Variants in DERA observed in about 807,000 individuals in gnomAD.
DERA encodes 2-deoxy-D-ribose 5-phosphate aldolase.
Under a neutral mutation model 41.1 loss-of-function variants are expected in DERA, and 15 were observed. That is an observed-to-expected ratio of 0.37 (90% CI 0.24 to 0.56). DERA has a LOEUF of 0.56. Among genes scored for constraint, DERA ranks in the 20% least tolerant of loss-of-function variants. The pLI is 0.81. For missense variants in DERA, 396 were observed against 403.4 expected (o/e 0.98, Z 0.16); for synonymous variants, 139 against 137.4 (o/e 1.01, Z -0.08).
In DERA at chr12:15,996,306, G is replaced by C. The variant is rs1247972586; in HGVS notation, c.637+13870G>C. Among the ~76,000 whole-genome samples the C allele has an allele frequency of 6.6e-6, 1 of 152,056 alleles. No homozygotes were observed. The highest frequency in any genetic ancestry group is 1.9e-4 in the East Asian group (1 of 5,172). ...CGCTGTAACAGAGTACCGCAAATTAGATGGCCTTAAGCAACAGAAATGTGT... is the reference window on the plus strand; with the variant it reads ...CGCTGTAACAGAGTACCGCAAATTACATGGCCTTAAGCAACAGAAATGTGT... On this transcript the variant is annotated intron_variant, in intron 6 of 8. Coordinates refer to ENST00000428559, the MANE Select transcript of DERA (RefSeq NM_015954.4). The surrounding 1 kb of genome is among the most constrained non-coding windows in gnomAD (Gnocchi z 4.7).
chr12:16,016,194 A>T (rs187799346), intron 6 of DERA, among the ~76,000 whole-genome samples: 1 of 152,196 alleles, frequency 6.6e-6, no homozygotes, highest in Admixed American at 6.5e-5. Context: ...CAGTGCTTCA[A>T]CCATAACACT....
At chr12:15,980,567 A>G (rs181297822) in intron 5 of DERA, among the ~76,000 whole-genome samples, 240 of 152,126 alleles carry the variant, frequency 1.6e-3, no homozygotes, top group Middle Eastern at 0.01. Flanking sequence ...GTCTATTACT[A>G]TTTTTAACAT....
rs1413179285 is a variant in DERA, at chr12:16,009,483, A to T, written c.638-23059A>T. 1.3e-5 allele frequency among the ~76,000 whole-genome samples: 2 copies of T among 152,194 alleles called. No homozygotes were observed. The highest frequency in any genetic ancestry group is 1.9e-4 in the East Asian group (1 of 5,204). On this transcript the variant is annotated intron_variant, in intron 6 of 8. Transcript: ENST00000428559. The surrounding 1 kb of genome is among the most constrained non-coding windows in gnomAD (Gnocchi z 5.3). Reference sequence around the variant, plus strand: ...CCCAGAAAACCTCTTCTCAAGAGTAAATTTATGATATTTGTGACAAACAAC... The same window carrying T: ...CCCAGAAAACCTCTTCTCAAGAGTATATTTATGATATTTGTGACAAACAAC...
At chr12:15,923,480 G>A (rs1027240354) in intron 1 of DERA, among the ~76,000 whole-genome samples, 2 of 152,054 alleles carry the variant, frequency 1.3e-5, no homozygotes, top group African/African-American at 2.4e-5. Context: ...TTCCTTCTCT[G>A]GCCAGCATAA....
At chr12:16,033,582 TGTG>T (rs1485192940) in intron 7 of DERA, among the ~76,000 whole-genome samples, 1 of 2,608 alleles carries the variant, frequency 3.8e-4, no homozygotes, top group African/African-American at 7.4e-4. Context: ...AGAGCAAGGT[TGTG>T]TGTGTGTGTG....
At chr12:15,963,699 A>G (rs1231639954) in intron 5 of DERA, among the ~76,000 whole-genome samples, 1 of 152,232 alleles carries the variant, frequency 6.6e-6, no homozygotes, top group East Asian at 1.9e-4. Flanking sequence ...AGTTAAAGCC[A>G]GGATAGTATA....
At position 15,957,169 on chromosome 12, in the gene DERA, A is replaced by T; in HGVS notation, c.129+136A>T. 1.5e-6 allele frequency: 1 copy of T among 674,134 alleles called. No homozygotes were observed. Among genetic ancestry groups the T allele is most frequent in the Non-Finnish European group, 2.6e-6 (1 of 381,756 alleles). The allele number at this position is 674,134 out of a possible 1,614,324, so 41.8% of individuals were successfully genotyped here. The stretch of plus-strand genomic sequence containing the variant: ...CAGCTGTCCATGACTTATTTTAATA[A>T]TTCATATATGATGATGATGGGTTGG... On this transcript the variant is annotated intron_variant, in intron 2 of 8. Transcript: ENST00000428559. The surrounding 1 kb of genome is among the most constrained non-coding windows in gnomAD (Gnocchi z 4.8).
At chr12:15,974,487 T>G (rs1176656816) in intron 5 of DERA, among the ~76,000 whole-genome samples, 2 of 152,202 alleles carry the variant, frequency 1.3e-5, no homozygotes, top group Admixed American at 6.5e-5. Flanking sequence ...TTGCACATTT[T>G]TGGCAGGTAT....
At chr12:15,942,328 C>T (rs1948414683) in intron 1 of DERA, among the ~76,000 whole-genome samples, 1 of 151,972 alleles carries the variant, frequency 6.6e-6, no homozygotes, top group Admixed American at 6.6e-5. Flanking sequence ...GTTAACTTTG[C>T]TAATTTTTTT....
At chr12:15,950,281 A>G (rs10772883) in intron 1 of DERA, among the ~76,000 whole-genome samples, 45,008 of 152,120 alleles carry the variant, frequency 0.3, 7,444 homozygotes, top group African/African-American at 0.42. Context: ...TGCTAAACAA[A>G]GGGTGGATTA....
chr12:15,980,629 G>T (rs1948726440), intron 5 of DERA, among the ~76,000 whole-genome samples: 3 of 152,048 alleles, frequency 2.0e-5, no homozygotes, highest in African/African-American at 4.8e-5. Flanking sequence ...TTTCTCCCAG[G>T]TTAGGTAGAT....
chr12:16,036,389 A>G lies in DERA; in HGVS notation c.900+8A>G. 6.3e-7 allele frequency: 1 copy of G among 1,585,898 alleles called. No homozygotes were observed. The highest frequency in any genetic ancestry group is 8.6e-7 in the Non-Finnish European group (1 of 1,169,452). On this transcript the variant is annotated splice_region_variant and intron_variant, in intron 8 of 8. Transcript: ENST00000428559. The surrounding 1 kb of genome is among the most constrained non-coding windows in gnomAD (Gnocchi z 4.9). ...TCGGACATTGAGAGGCAGGTGAGTA[A>G]TCATCTCTGTCTTTGGAATAAATTA...
intron 6 of DERA, among the ~76,000 whole-genome samples, chr12:16,023,194 A>G (rs1250018184): frequency 6.6e-6 from 1 of 152,176 alleles, no homozygotes; most frequent in African/African-American, 2.4e-5. Context: ...TGGTTTCAGT[A>G]TAAGATTACA....
chr12:16,027,503 G>T (rs1413527203), intron 6 of DERA, among the ~76,000 whole-genome samples: 1 of 152,200 alleles, frequency 6.6e-6, no homozygotes, highest in East Asian at 1.9e-4. Context: ...ATCATGACAA[G>T]TGTGTAAGAA....
chr12:15,937,208 G>A (rs1035988321), intron 1 of DERA, among the ~76,000 whole-genome samples: 1 of 152,042 alleles, frequency 6.6e-6, no homozygotes, highest in African/African-American at 2.4e-5. Context: ...TTCCCATCTT[G>A]GCTTTCCAAA....
In DERA at chr12:16,001,883, C is replaced by G. The variant is rs1948876992; in HGVS notation, c.637+19447C>G. On this transcript the variant is annotated intron_variant, in intron 6 of 8. Coordinates refer to ENST00000428559, the MANE Select transcript of DERA (RefSeq NM_015954.4). This position sits in a 1 kb window ranked among gnomAD's most constrained non-coding sequence, Gnocchi z 4.1. ...TTTGGGAGCTTAGAGAGGAAACAAA[C>G]CCCGGTATGGACTTTTCAGACAAAA... Among the ~76,000 whole-genome samples, 1 of 152,138 alleles carries G rather than the reference C, an allele frequency of 6.6e-6. No individual in the cohort carries two copies.
rs1948789821 is a variant in DERA at position 15,989,894 on chromosome 12, A to G, written c.637+7458A>G. On this transcript the variant is annotated intron_variant, in intron 6 of 8. Coordinates refer to ENST00000428559, the MANE Select transcript of DERA (RefSeq NM_015954.4). The surrounding 1 kb of genome is among the most constrained non-coding windows in gnomAD (Gnocchi z 5.2). ...CTAAACTGTAAGGATTATTGGTTTAATCTTGTTTAGAAATCTTTCAAAATG... is the reference window on the plus strand; with the variant it reads ...CTAAACTGTAAGGATTATTGGTTTAGTCTTGTTTAGAAATCTTTCAAAATG... Among the ~76,000 whole-genome samples the G allele has an allele frequency of 6.6e-6, 1 of 152,238 alleles. No individual in the cohort carries two copies. Among genetic ancestry groups the G allele is most frequent in the African/African-American group, 2.4e-5 (1 of 41,472 alleles).
At chr12:15,919,755 C>T (rs1227388636) in intron 1 of DERA, among the ~76,000 whole-genome samples, 3 of 152,196 alleles carry the variant, frequency 2.0e-5, no homozygotes, top group Admixed American at 6.5e-5. Flanking sequence ...AGGCCTTCCT[C>T]CCGCAAAGCA....
intron 6 of DERA, among the ~76,000 whole-genome samples, chr12:16,029,723 A>G (rs12817566): frequency 0.8 from 122,069 of 151,874 alleles, 50,895 homozygotes; most frequent in South Asian, 0.9. Context: ...AATAATGTGT[A>G]GGCCACTGTA....
Sources: gnomAD v4.1 joint callset for allele counts (sites outside exome capture counted in the v4.1 genomes callset) on GRCh38, gnomAD v4.1.1 for gene constraint, Gnocchi (gnomAD v3.1) non-coding constraint, MANE v1.5 for transcripts, NCBI Gene and HGNC (gene_info 2026-07-23, HGNC 2026-07-21) for gene names.